The following GTF2I variants were observed in gnomAD, a reference collection of about 807,000 sequenced individuals.
GTF2I encodes the protein general transcription factor IIi, also known as general transcription factor II-I.
In GTF2I, 12 loss-of-function variants were observed where a neutral mutation model predicts 67.6. That is an observed-to-expected ratio of 0.18 (90% CI 0.11 to 0.29). GTF2I has a LOEUF of 0.29. Ranked by LOEUF, GTF2I falls within the 10% of genes least tolerant of loss-of-function variation. The pLI, the probability that GTF2I is intolerant of heterozygous loss-of-function variation, is 1.00. For missense variants in GTF2I, 271 were observed against 580.1 expected (o/e 0.47, Z 5.47); for synonymous variants, 149 against 197.0 (o/e 0.76, Z 2.04).
intron 11 of GTF2I, among the ~76,000 whole-genome samples, chr7:74,718,014 C>T (rs587679198): frequency 1.3e-5 from 2 of 152,220 alleles, no homozygotes; most frequent in East Asian, 1.9e-4. Flanking sequence ...TTTGAATAGG[C>T]GGGATTTAGA....
At chr7:74,684,411 G>A (rs587693943) in intron 1 of GTF2I, among the ~76,000 whole-genome samples, 1 of 152,294 alleles carries the variant, frequency 6.6e-6, no homozygotes, top group South Asian at 2.1e-4. Flanking sequence ...TGTGGGGACC[G>A]GTGCATCAGA....
chr7:74,689,877 G>C (rs1554396515), intron 2 of GTF2I, among the ~76,000 whole-genome samples: 1 of 151,872 alleles, frequency 6.6e-6, no homozygotes, highest in East Asian at 1.9e-4. Flanking sequence ...CACCACGCTC[G>C]GGTAATTTTT....
chr7:74,717,575 T>G (rs1792416565), intron 11 of GTF2I, among the ~76,000 whole-genome samples: 1 of 152,202 alleles, frequency 6.6e-6, no homozygotes, highest in Non-Finnish European at 1.5e-5. Flanking sequence ...ACACAAATTT[T>G]TGTAGATTTC....
At chr7:74,667,457 T>C (rs1554388978) in intron 1 of GTF2I, among the ~76,000 whole-genome samples, 1 of 152,228 alleles carries the variant, frequency 6.6e-6, no homozygotes, top group African/African-American at 2.4e-5. Context: ...TGTTTTTTGT[T>C]GTTGTCGTTG....
chr7:74,660,846 G>C (rs1204385436), intron 1 of GTF2I, among the ~76,000 whole-genome samples: 1 of 151,390 alleles, frequency 6.6e-6, no homozygotes, highest in Admixed American at 6.6e-5. Flanking sequence ...GCTCGTAGGG[G>C]CAGGGACAAG....
rs1787981957 is a variant in GTF2I at position 74,688,844 on chromosome 7, C to G, written c.-5-280C>G. 1.4e-5 allele frequency: 5 copies of G among 353,644 alleles called. No homozygotes were observed. In the Admixed American group the frequency reaches 1.7e-4, roughly 12 times the overall value. The allele number at this position is 353,644 out of a possible 1,614,324, so 21.9% of individuals were successfully genotyped here. On this transcript the variant is annotated intron_variant, in intron 1 of 34. Coordinates refer to ENST00000573035, the MANE Select transcript of GTF2I (RefSeq NM_032999.4). ...AGTGCCTTGCCTCGTCTTGTTCTTA[C>G]TTGGGAGAAATTTCACTGATTCTGG...
chr7:74,688,435 A>C (rs1389488626), intron 1 of GTF2I, among the ~76,000 whole-genome samples: 1 of 152,050 alleles, frequency 6.6e-6, no homozygotes, highest in Non-Finnish European at 1.5e-5. Flanking sequence ...TATACTTAAC[A>C]TAAAATTTAC....
At chr7:74,697,518 A>G (rs953541286) in intron 3 of GTF2I, among the ~76,000 whole-genome samples, 1 of 152,214 alleles carries the variant, frequency 6.6e-6, no homozygotes, top group African/African-American at 2.4e-5. Flanking sequence ...CAAGTGCCAC[A>G]TGTATCTATT....
At chr7:74,709,933 A>G (rs1791313861) in intron 8 of GTF2I, among the ~76,000 whole-genome samples, 1 of 152,172 alleles carries the variant, frequency 6.6e-6, no homozygotes, top group Admixed American at 6.5e-5. Flanking sequence ...TGGACCTCCC[A>G]AAGTGCTGGG....
intron 1 of GTF2I, among the ~76,000 whole-genome samples, chr7:74,673,438 G>C (rs977700173): frequency 7.6e-4 from 115 of 152,152 alleles, no homozygotes; most frequent in African/African-American, 2.7e-3. Flanking sequence ...GTGCAATGGT[G>C]TGATCTGACC....
chr7:74,699,403 C>T, intron 4 of GTF2I: 1 of 159,694 alleles, frequency 6.3e-6, no homozygotes, highest in Non-Finnish European at 1.4e-5. Context: ...AGTGATTCTC[C>T]TGCCTCAGCC....
chr7:74,673,498 C>T (rs1299388414), intron 1 of GTF2I, among the ~76,000 whole-genome samples: 3 of 152,156 alleles, frequency 2.0e-5, no homozygotes, highest in African/African-American at 7.2e-5. Flanking sequence ...TCTCCTGTCT[C>T]AGCCTCCCGA....
chr7:74,662,872 G>A (rs1176575049), intron 1 of GTF2I, among the ~76,000 whole-genome samples: 4 of 152,040 alleles, frequency 2.6e-5, no homozygotes, highest in Non-Finnish European at 5.9e-5. Context: ...AGATAGGTGG[G>A]AGGAATGGTT....
At chr7:74,734,431 T>G (rs1489872703) in intron 16 of GTF2I, among the ~76,000 whole-genome samples, 2 of 150,828 alleles carry the variant, frequency 1.3e-5, no homozygotes, top group Non-Finnish European at 3.0e-5. Flanking sequence ...TTGTTTTGTT[T>G]TGTTTTTTGA....
At chr7:74,682,262 T>G (rs1362004036) in intron 1 of GTF2I, among the ~76,000 whole-genome samples, 1 of 152,206 alleles carries the variant, frequency 6.6e-6, no homozygotes, top group African/African-American at 2.4e-5. Flanking sequence ...GTTCCCAGAG[T>G]TGGTGAGGTT....
chr7:74,706,357 C>T (rs781942868), intron 7 of GTF2I, 33 bp from the exon 8 acceptor site: 13 of 1,601,382 alleles, frequency 8.1e-6, no homozygotes, highest in Admixed American at 3.3e-5. Flanking sequence ...GTCACCAGCA[C>T]GTGGCTTGAT....
chr7:74,672,917 G>C (rs928663070), intron 1 of GTF2I, among the ~76,000 whole-genome samples: 1 of 152,070 alleles, frequency 6.6e-6, no homozygotes, highest in Admixed American at 6.5e-5. Flanking sequence ...CTGGAGTGCA[G>C]TGGCACGATC....
chr7:74,722,299 T>C lies in GTF2I; in HGVS notation c.943+3358T>C, dbSNP rs186803690. 2.2e-4 allele frequency among the ~76,000 whole-genome samples: 33 copies of C among 152,284 alleles called. 2 individuals are homozygous for C. In the East Asian group the frequency reaches 6.0e-3, roughly 28 times the overall value. On this transcript the variant is annotated intron_variant, in intron 12 of 34. Coordinates refer to ENST00000573035, the MANE Select transcript of GTF2I (RefSeq NM_032999.4). ...GTAAACATTTAAAACATACGTGACTTAGGTTTGGGAAATCGGCCTTGGACT... is the reference window on the plus strand; with the variant it reads ...GTAAACATTTAAAACATACGTGACTCAGGTTTGGGAAATCGGCCTTGGACT...
intron 1 of GTF2I, among the ~76,000 whole-genome samples, chr7:74,669,224 G>GTTT (rs34714148): frequency 1.2e-3 from 90 of 75,430 alleles, no homozygotes; most frequent in African/African-American, 2.0e-3. Context: ...GACTAGTTTA[G>GTTT]TTTTTTTTTT....
Sources: allele counts gnomAD v4.1 joint callset (sites outside exome capture counted in the v4.1 genomes callset), GRCh38; gene constraint gnomAD v4.1.1; transcripts MANE v1.5; gene names NCBI Gene and HGNC (gene_info 2026-07-23, HGNC 2026-07-21).